The following CFAP73 variants were observed in gnomAD, a reference collection of about 807,000 sequenced individuals.
CFAP73 encodes the protein cilia and flagella associated protein 73.
Under a neutral mutation model 42.9 loss-of-function variants are expected in CFAP73, and 33 were observed. The observed-to-expected ratio is 0.77, with a 90% CI of 0.58 to 1.03. The LOEUF (loss-of-function observed/expected upper bound fraction) is 1.03, where lower values mean the gene tolerates loss of function less well. CFAP73 is among the 50% of genes least tolerant of loss of function. CFAP73 has a pLI of 0.00. For missense variants in CFAP73, 392 were observed against 411.9 expected, an observed-to-expected ratio of 0.95 and a Z score of 0.42; for synonymous variants, 162 against 186.8, an observed-to-expected ratio of 0.87 and a Z score of 1.08.
chr12:113,151,297 C>A (rs1952059062), intron 1 of CFAP73, among the ~76,000 whole-genome samples: 1 of 152,160 alleles, frequency 6.6e-6, no homozygotes. Flanking sequence ...GCCTAGCCAA[C>A]ATGGTGAAAC....
chr12:113,155,451 C>T (rs1460103944), intron 6 of CFAP73, 33 bp downstream of exon 6: 3 of 1,515,190 alleles, frequency 2.0e-6, no homozygotes, highest in Non-Finnish European at 2.7e-6. Flanking sequence ...CCTCCAGCCC[C>T]CAAACACTCC....
In CFAP73 at chr12:113,149,884, C is replaced by A. The variant is rs2136303733; in HGVS notation, c.27C>A (p.Phe9Leu). The A allele has an allele frequency of 6.4e-7, 1 of 1,551,658 alleles. No homozygotes were observed. The highest frequency in any genetic ancestry group is 8.7e-7 in the Non-Finnish European group (1 of 1,146,972). The stretch of plus-strand genomic sequence containing the variant: ...TGGCGGTGCCCTGGGAGGAATATTT[C>A]CGACTGGCTTTGCAAGAGAAACTGT... MAVPWEEY[F>L]RLALQEKLST... Residue 9 changes from phenylalanine (F) to leucine (L), a missense_variant, in exon 1 of 8, where the codon TTC becomes TTA. By Grantham distance (22) the Phe-to-Leu change is conservative. Coordinates refer to ENST00000335621, the MANE Select transcript of CFAP73 (RefSeq NM_001144872.3).
rs942903458 is a variant in CFAP73 at position 113,156,363 on chromosome 12, C to T, written c.849+945C>T. On this transcript the variant is annotated intron_variant, in intron 6 of 7. Coordinates refer to ENST00000335621, the MANE Select transcript of CFAP73 (RefSeq NM_001144872.3). ...TGAGCCACAGACAAAACTCCTCAGA[C>T]ACCGGATTAAAGAAGGAAGAGGTTT... 3.9e-5 allele frequency among the ~76,000 whole-genome samples: 6 copies of T among 152,074 alleles called. No individual in the cohort carries two copies. In the East Asian group the frequency reaches 1.2e-3, roughly 30 times the overall value.
chr12:113,155,490 A>C, intron 6 of CFAP73, 72 bp downstream of exon 6: 1 of 1,404,974 alleles, frequency 7.1e-7, no homozygotes, highest in Non-Finnish European at 9.6e-7. Context: ...CTAAAACCCC[A>C]CAGTTAGTGA....
intron 6 of CFAP73, among the ~76,000 whole-genome samples, chr12:113,156,566 G>C (rs1275746231): frequency 6.6e-6 from 1 of 151,912 alleles, no homozygotes; most frequent in Admixed American, 6.6e-5. Flanking sequence ...TTCCCCAACC[G>C]ATTCCCATTC....
intron 1 of CFAP73, 138 bp downstream of exon 1, chr12:113,150,051 G>A (rs1381732871): frequency 1.5e-5 from 12 of 776,862 alleles, no homozygotes; most frequent in Non-Finnish European, 2.5e-5. Flanking sequence ...TCACAGAGGA[G>A]GAAACTGAGG....
rs984863914 is a variant in CFAP73 at position 113,153,504 on chromosome 12, A to G, written c.468+96A>G. 9 of 1,004,998 alleles carry G rather than the reference A, an allele frequency of 9.0e-6. No homozygotes were observed. The African/African-American group carries it at 1.6e-4, about 17-fold the overall frequency. 62.3% of individuals were successfully genotyped at this position (1,004,998 alleles called of 1,614,324 possible). The stretch of plus-strand genomic sequence containing the variant: ...GACCGGCGAACTACTGGTTCGCTGA[A>G]CTACTGGAGATCTTGGCATGCATGC... On this transcript the variant is annotated intron_variant, in intron 4 of 7. Transcript: ENST00000335621.
intron 1 of CFAP73, 137 bp from the exon 2 acceptor site, chr12:113,151,780 CA>C: frequency 7.2e-6 from 4 of 559,332 alleles, no homozygotes; most frequent in East Asian, 5.9e-5. Flanking sequence ...AAGCAAGACC[CA>C]AAAACAAGTC....
At position 113,154,602 on chromosome 12, in the gene CFAP73, C is replaced by T. The variant is rs914536821; in HGVS notation, c.657C>T (p.Arg219=). Residue 219 remains arginine, a synonymous_variant, in exon 5 of 8, where the codon CGC becomes CGT. Transcript: ENST00000335621. The surrounding 1 kb of genome is among the most constrained non-coding windows in gnomAD (Gnocchi z 4.7). ...QGQRRAQLQE[R]LEAARERTLQ... is the part of the protein sequence containing the mutation. ...AGCGGCGGGCACAGCTGCAGGAGCGCCTGGAGGCTGCCAGGGAGCGTACGC... is the reference window on the plus strand; with the variant it reads ...AGCGGCGGGCACAGCTGCAGGAGCGTCTGGAGGCTGCCAGGGAGCGTACGC... 2.8e-6 allele frequency: 4 copies of T among 1,415,796 alleles called. No individual in the cohort carries two copies. In the African/African-American group the frequency reaches 4.6e-5, roughly 16 times the overall value. 87.7% of individuals were successfully genotyped at this position (1,415,796 alleles called of 1,614,324 possible). A position where few individuals can be genotyped will look rare whatever the true frequency, so the allele number is the denominator to read the frequency against.
At chr12:113,156,320 A>G (rs1464963242) in intron 6 of CFAP73, among the ~76,000 whole-genome samples, 4 of 152,050 alleles carry the variant, frequency 2.6e-5, no homozygotes, top group Non-Finnish European at 5.9e-5. Flanking sequence ...CTGGAGGAAA[A>G]GTAAAGGTGT....
chr12:113,151,019 C>CTTTATTA (rs1952057362), intron 1 of CFAP73, among the ~76,000 whole-genome samples: 1 of 149,548 alleles, frequency 6.7e-6, no homozygotes, highest in Non-Finnish European at 1.5e-5. Flanking sequence ...TCCTGGCATT[C>CTTTATTA]TTTATTATTA....
intron 1 of CFAP73, among the ~76,000 whole-genome samples, chr12:113,150,510 C>A (rs997329586): frequency 6.6e-6 from 1 of 151,060 alleles, no homozygotes; most frequent in South Asian, 2.1e-4. Context: ...TGCTCTCCTG[C>A]AGCCTCATCC....
intron 6 of CFAP73, 23 bp from the exon 7 acceptor site, chr12:113,157,579 G>T (rs1366005753): frequency 6.5e-7 from 1 of 1,550,216 alleles, no homozygotes; most frequent in Non-Finnish European, 8.7e-7. Flanking sequence ...GCTGGGATGT[G>T]ACTTCGTGCT....
intron 1 of CFAP73, 27 bp downstream of exon 1, chr12:113,149,940 G>A: frequency 1.3e-6 from 2 of 1,547,718 alleles, no homozygotes; most frequent in Non-Finnish European, 1.7e-6. Context: ...GGGAGGGAGG[G>A]CTAGAAGGAG....
At chr12:113,157,932 T>C (rs1952153779) in intron 7 of CFAP73, 2 of 549,114 alleles carry the variant, frequency 3.6e-6, no homozygotes, top group Non-Finnish European at 6.5e-6. Context: ...CAACTGCCTC[T>C]AAAATGAGAT....
In CFAP73 at chr12:113,158,111, CTTCTCAGAACCT is replaced by C. The variant is rs1952156826; in HGVS notation, c.*11+422_*11+433del. 5.6e-6 allele frequency: 1 copy of C among 179,046 alleles called. No homozygotes were observed. The highest frequency in any genetic ancestry group is 1.4e-4 in the East Asian group (1 of 6,934). 11.1% of individuals were successfully genotyped at this position (179,046 alleles called of 1,614,324 possible). The stretch of plus-strand genomic sequence containing the variant: ...TCCAGCTGCTGGGGCTGCCCTTGAC[CTTCTCAGAACCT>C]CAAACAGGGGGTGGGTGGCAAGAAG... On this transcript the variant is annotated intron_variant, in intron 7 of 7. Transcript: ENST00000335621. The surrounding 1 kb of genome is among the most constrained non-coding windows in gnomAD (Gnocchi z 4.9).
chr12:113,157,537 T>G, intron 6 of CFAP73, 65 bp from the exon 7 acceptor site: 2 of 1,388,542 alleles, frequency 1.4e-6, no homozygotes, highest in Non-Finnish European at 2.0e-6. Flanking sequence ...CCCCCGCGTG[T>G]TGAGGGGTGG....
chr12:113,158,412 CCT>C lies in CFAP73; in HGVS notation c.*12-286_*12-285del, dbSNP rs1366341621. The C allele has an allele frequency of 6.4e-6, 1 of 155,654 alleles. No individual in the cohort carries two copies. The highest frequency in any genetic ancestry group is 2.4e-5 in the African/African-American group (1 of 41,594). 9.6% of individuals were successfully genotyped at this position (155,654 alleles called of 1,614,324 possible). On this transcript the variant is annotated intron_variant, in intron 7 of 7. Transcript: ENST00000335621. The surrounding 1 kb of genome is among the most constrained non-coding windows in gnomAD (Gnocchi z 4.9). ...ACTCACCCTCAGGAGACCCGCAACT[CCT>C]CTGCCACGTTAGCTGGGATTTTAGT...
At position 113,155,306 on chromosome 12, in the gene CFAP73, T is replaced by G. The variant is rs1311281366; in HGVS notation, c.737T>G (p.Leu246Arg). Residue 246 changes from leucine (L) to arginine (R), a missense_variant, in exon 6 of 8, where the codon CTG (leucine) becomes CGG (arginine). Leu to Arg is a moderately radical substitution (Grantham distance 102). Transcript: ENST00000335621. ...CAGAACACAGCAGCGGAGAAGACTC[T>G]GCTCCTGGGACGCAGCAGGATGGCT... ...QIQNTAAEKT[L>R]LLGRSRMAVL... The G allele has an allele frequency of 1.3e-6, 2 of 1,550,456 alleles. No homozygotes were observed. The highest frequency in any genetic ancestry group is 1.7e-6 in the Non-Finnish European group (2 of 1,146,136).
Sources: gnomAD v4.1 joint callset for allele counts (sites outside exome capture counted in the v4.1 genomes callset) on GRCh38, gnomAD v4.1.1 for gene constraint, Gnocchi (gnomAD v3.1) non-coding constraint, MANE v1.5 for transcripts, NCBI Gene and HGNC (gene_info 2026-07-23, HGNC 2026-07-21) for gene names.